KIRREL3: variants seen among roughly 807,000 people sequenced by gnomAD.
KIRREL3 encodes the protein kirre like nephrin family adhesion molecule 3.
Under a neutral mutation model 89.7 loss-of-function variants are expected in KIRREL3, and 36 were observed. That is an observed-to-expected ratio of 0.40 (90% confidence interval 0.31 to 0.53). KIRREL3 has a LOEUF of 0.53. Ranked by LOEUF, KIRREL3 falls within the 20% of genes least tolerant of loss-of-function variation. The probability of loss-of-function intolerance (pLI) is 0.49; values close to 1 mark genes in which losing one functional copy is unlikely to be tolerated. For synonymous variants in KIRREL3, 445 were observed against 441.4 expected, an observed-to-expected ratio of 1.01 and a Z score of -0.10; for missense variants, 864 against 1,056.6, an observed-to-expected ratio of 0.82 and a Z score of 2.53.
At chr11:126,929,665 C>A (rs1476405714) in intron 1 of KIRREL3, among the ~76,000 whole-genome samples, 1 of 152,198 alleles carries the variant, frequency 6.6e-6, no homozygotes, top group African/African-American at 2.4e-5. Context: ...CAGGCTGCGG[C>A]AGTGAGTCGC....
rs188482221 is a variant in KIRREL3, at chr11:126,829,852, T to C, written c.55+170603A>G. 1.7e-4 allele frequency among the ~76,000 whole-genome samples: 26 copies of C among 152,266 alleles called. No homozygotes were observed. The East Asian group carries it at 4.4e-3, about 26-fold the overall frequency. On this transcript the variant is annotated intron_variant, in intron 1 of 16. Coordinates refer to ENST00000525144, the MANE Select transcript of KIRREL3 (RefSeq NM_032531.4). ...AGAGAGTGTAACAGAGTCAGACAAG[T>C]GCGACGGGAATGTAGAGGGAGGTTT...
At chr11:126,483,890 A>G (rs1565490725) in intron 4 of KIRREL3, among the ~76,000 whole-genome samples, 1 of 152,176 alleles carries the variant, frequency 6.6e-6, no homozygotes, top group East Asian at 1.9e-4. Context: ...TTTAAGACTC[A>G]GGCTATTGTC....
chr11:126,655,328 A>T lies in KIRREL3; in HGVS notation c.56-92416T>A, dbSNP rs1431431084. ...CTCAAAATTAGGTCAGGGCTTGCAG[A>T]GGCAGGGACTTGCCAAGGTGCTAAC... is the stretch of plus-strand genomic sequence containing the variant. On this transcript the variant is annotated intron_variant, in intron 1 of 16. Transcript: ENST00000525144. This position sits in a 1 kb window ranked among gnomAD's most constrained non-coding sequence, Gnocchi z 5.0. Among the ~76,000 whole-genome samples the T allele has an allele frequency of 6.6e-6, 1 of 152,216 alleles. No homozygotes were observed. Among genetic ancestry groups the T allele is most frequent in the African/African-American group, 2.4e-5 (1 of 41,460 alleles).
Position 126,608,994 on chromosome 11 carries a change from G to T in KIRREL3, c.56-46082C>A, listed in dbSNP as rs555788926. 6.6e-6 allele frequency among the ~76,000 whole-genome samples: 1 copy of T among 152,180 alleles called. No homozygotes were observed. The highest frequency in any genetic ancestry group is 1.5e-5 in the Non-Finnish European group (1 of 68,024). On this transcript the variant is annotated intron_variant, in intron 1 of 16. Transcript: ENST00000525144. The surrounding 1 kb of genome is among the most constrained non-coding windows in gnomAD (Gnocchi z 4.9). ...TAGCAGAAACAATCAGGCCAGAGGGGTATTTGTTGCAGAAGAGAAATGTGA... is the reference window on the plus strand; with the variant it reads ...TAGCAGAAACAATCAGGCCAGAGGGTTATTTGTTGCAGAAGAGAAATGTGA...
At position 126,720,185 on chromosome 11, in the gene KIRREL3, G is replaced by A. The variant is rs541463833; in HGVS notation, c.56-157273C>T. 1.2e-4 allele frequency among the ~76,000 whole-genome samples: 19 copies of A among 152,350 alleles called. No homozygotes were observed. The South Asian group carries it at 3.9e-3, about 32-fold the overall frequency. ...AAATTGTCTGAGCTCCCACTTGAATGTAAACTCTTTGAGGGCAGGGGCTTA... is the reference window on the plus strand; with the variant it reads ...AAATTGTCTGAGCTCCCACTTGAATATAAACTCTTTGAGGGCAGGGGCTTA... On this transcript the variant is annotated intron_variant, in intron 1 of 16. Transcript: ENST00000525144.
intron 1 of KIRREL3, among the ~76,000 whole-genome samples, chr11:126,937,375 G>A (rs1363808294): frequency 2.6e-5 from 4 of 152,202 alleles, no homozygotes; most frequent in Non-Finnish European, 4.4e-5. Context: ...CTTACAAAGT[G>A]CCTTAACATA....
In KIRREL3 at chr11:126,897,307, G is replaced by T. The variant is rs887320612; in HGVS notation, c.55+103148C>A. ...GTCCTGGAATGTCCAGGACTGAGGG[G>T]ACAGTCATGAGGGGGAGATGACACA... On this transcript the variant is annotated intron_variant, in intron 1 of 16. Coordinates refer to ENST00000525144, the MANE Select transcript of KIRREL3 (RefSeq NM_032531.4). This position sits in a 1 kb window ranked among gnomAD's most constrained non-coding sequence, Gnocchi z 4.2. Among the ~76,000 whole-genome samples the T allele has an allele frequency of 1.3e-5, 2 of 152,128 alleles. No individual in the cohort carries two copies. The highest frequency in any genetic ancestry group is 4.8e-5 in the African/African-American group (2 of 41,448).
chr11:126,530,472 G>C lies in KIRREL3; in HGVS notation c.134-3785C>G, dbSNP rs111446421. ...CAAGGTCATTTTCTGCAGCCTCCTG[G>C]ATAGTGCCTTAAGTAGACAGTGAGC... On this transcript the variant is annotated intron_variant, in intron 2 of 16. Coordinates refer to ENST00000525144, the MANE Select transcript of KIRREL3 (RefSeq NM_032531.4). This position sits in a 1 kb window ranked among gnomAD's most constrained non-coding sequence, Gnocchi z 5.8. Among the ~76,000 whole-genome samples, 1,103 of 152,302 alleles carry C rather than the reference G, an allele frequency of 7.2e-3. 9 individuals are homozygous for C. The highest frequency in any genetic ancestry group is 0.025 in the African/African-American group (1,035 of 41,568).
intron 1 of KIRREL3, among the ~76,000 whole-genome samples, chr11:126,881,398 C>G (rs1945486952): frequency 8.0e-6 from 1 of 125,112 alleles, no homozygotes; most frequent in Non-Finnish European, 1.6e-5. Flanking sequence ...GACCAGGTCT[C>G]CCAGCCAACT....
At chr11:126,968,054 ATTTGCAAAGGAC>A (rs530494551) in intron 1 of KIRREL3, among the ~76,000 whole-genome samples, 39 of 152,274 alleles carry the variant, frequency 2.6e-4, no homozygotes, top group Admixed American at 2.0e-3. Flanking sequence ...CTTCATAGAC[ATTTGCAAAGGAC>A]TTTGGGATAC....
intron 4 of KIRREL3, among the ~76,000 whole-genome samples, chr11:126,499,082 A>T (rs1272522424): frequency 6.7e-6 from 1 of 148,222 alleles, no homozygotes; most frequent in Non-Finnish European, 1.5e-5. Flanking sequence ...AACCTGGGAG[A>T]CGGAAGTTGC....
intron 1 of KIRREL3, among the ~76,000 whole-genome samples, chr11:126,580,360 G>C (rs1041738525): frequency 2.0e-5 from 3 of 152,206 alleles, no homozygotes; most frequent in African/African-American, 7.2e-5. Flanking sequence ...CGTGGAGGAG[G>C]CTGGACTATA....
In KIRREL3 at chr11:126,431,195, T is replaced by A. The variant is rs1955114226; in HGVS notation, c.1696+224A>T. ...ATGCTGGCTGCCCTGCAGATGAAGTTCAGTCTAGTCCAGGTCAACCTCAGC... is the reference window on the plus strand; with the variant it reads ...ATGCTGGCTGCCCTGCAGATGAAGTACAGTCTAGTCCAGGTCAACCTCAGC... On this transcript the variant is annotated intron_variant, in intron 14 of 16. Coordinates refer to ENST00000525144, the MANE Select transcript of KIRREL3 (RefSeq NM_032531.4). This position sits in a 1 kb window ranked among gnomAD's most constrained non-coding sequence, Gnocchi z 7.1. The A allele has an allele frequency of 6.8e-7, 1 of 1,469,904 alleles. No homozygotes were observed. The highest frequency in any genetic ancestry group is 2.3e-5 in the Admixed American group (1 of 43,138). The allele number at this position is 1,469,904 out of a possible 1,614,324, so 91.1% of individuals were successfully genotyped here.
intron 1 of KIRREL3, among the ~76,000 whole-genome samples, chr11:126,839,462 G>A (rs77095043): frequency 0.01 from 1,574 of 152,280 alleles, 13 homozygotes; most frequent in Non-Finnish European, 0.016. Context: ...TTTTGTTGGG[G>A]GGCTGGAGGA....
chr11:126,671,508 G>GAA (rs1037299879), intron 1 of KIRREL3, among the ~76,000 whole-genome samples: 1 of 151,846 alleles, frequency 6.6e-6, no homozygotes, highest in African/African-American at 2.4e-5. Flanking sequence ...TTGACCAGGA[G>GAA]AAAATATTTG....
At position 126,568,126 on chromosome 11, in the gene KIRREL3, G is replaced by A. The variant is rs1182075271; in HGVS notation, c.56-5214C>T. On this transcript the variant is annotated intron_variant, in intron 1 of 16. Coordinates refer to ENST00000525144, the MANE Select transcript of KIRREL3 (RefSeq NM_032531.4). The surrounding 1 kb of genome is among the most constrained non-coding windows in gnomAD (Gnocchi z 4.6). ...GGCTGTAGCAGAAGAAAAAAGATGA[G>A]ACAGGAGATCTAGCCAGGGACCAGA... 6.6e-6 allele frequency among the ~76,000 whole-genome samples: 1 copy of A among 152,238 alleles called. No homozygotes were observed. The highest frequency in any genetic ancestry group is 6.5e-5 in the Admixed American group (1 of 15,298).
At chr11:126,599,367 C>A (rs1267150616) in intron 1 of KIRREL3, among the ~76,000 whole-genome samples, 1 of 152,184 alleles carries the variant, frequency 6.6e-6, no homozygotes, top group African/African-American at 2.4e-5. Context: ...CTTTCGGCTG[C>A]ACCTGCTATT....
intron 4 of KIRREL3, among the ~76,000 whole-genome samples, chr11:126,483,419 GA>G (rs1957272561): frequency 1.3e-5 from 2 of 152,132 alleles, no homozygotes; most frequent in African/African-American, 2.4e-5. Flanking sequence ...CCTTGTAATG[GA>G]TGAGGAAAAT....
At chr11:126,935,583 G>C (rs1280724036) in intron 1 of KIRREL3, 10 of 152,200 alleles carry the variant, frequency 6.6e-5, no homozygotes, top group African/African-American at 2.4e-4. Flanking sequence ...AAAAGGCATA[G>C]AGGAAACTGA....
Sources: allele counts gnomAD v4.1 joint callset (sites outside exome capture counted in the v4.1 genomes callset), GRCh38; gene constraint gnomAD v4.1.1; non-coding constraint Gnocchi (gnomAD v3.1); transcripts MANE v1.5; gene names NCBI Gene and HGNC (gene_info 2026-07-23, HGNC 2026-07-21).